The following MDGA2 variants were observed in gnomAD, a reference collection of about 807,000 sequenced individuals.
MDGA2 encodes MAM domain containing glycosylphosphatidylinositol anchor 2, also known as MAM domain-containing glycosylphosphatidylinositol anchor protein 2.
In MDGA2, 40 loss-of-function variants were observed where a neutral mutation model predicts 117.8. The observed-to-expected ratio is 0.34, with a 90% CI of 0.26 to 0.44. MDGA2 has a LOEUF of 0.44. Among genes scored for constraint, MDGA2 ranks in the 20% least tolerant of loss-of-function variants. The probability of loss-of-function intolerance (pLI) is 1.00; values close to 1 mark genes in which losing one functional copy is unlikely to be tolerated. For missense variants in MDGA2, 1,123 were observed against 1,250.6 expected (o/e 0.90, Z 1.54); for synonymous variants, 452 against 439.0 (o/e 1.03, Z -0.37).
intron 1 of MDGA2, among the ~76,000 whole-genome samples, chr14:47,475,292 T>C (rs905162625): frequency 6.6e-6 from 1 of 152,150 alleles, no homozygotes; most frequent in African/African-American, 2.4e-5. Flanking sequence ...TTGTGCCAGT[T>C]AGAATGGCAA....
Position 47,586,432 on chromosome 14 carries a change from T to C in MDGA2, c.280+88085A>G, listed in dbSNP as rs188364023. On this transcript the variant is annotated intron_variant, in intron 1 of 16. Transcript: ENST00000399232. ...CTGGGATTTGAGTATAGCTGAGTCT[T>C]TGCTAGGATGATCTTAGAAAGCTTA... 1.2e-4 allele frequency among the ~76,000 whole-genome samples: 18 copies of C among 152,012 alleles called. No homozygotes were observed. In the East Asian group the frequency reaches 3.5e-3, roughly 29 times the overall value.
intron 1 of MDGA2, among the ~76,000 whole-genome samples, chr14:47,418,079 A>G (rs929541327): frequency 6.6e-6 from 1 of 151,778 alleles, no homozygotes; most frequent in Non-Finnish European, 1.5e-5. Context: ...TTAATTTTTT[A>G]ATTTTTTATT....
chr14:47,636,148 CT>C (rs1268913627), intron 1 of MDGA2, among the ~76,000 whole-genome samples: 1 of 152,128 alleles, frequency 6.6e-6, no homozygotes, highest in Non-Finnish European at 1.5e-5. Context: ...TACATCTGAT[CT>C]TTTTATGGTT....
rs569597318 is a variant in MDGA2 at position 47,650,215 on chromosome 14, G to C, written c.280+24302C>G. On this transcript the variant is annotated intron_variant, in intron 1 of 16. Transcript: ENST00000399232. Reference sequence around the variant, plus strand: ...AGTCATGCTTAAACATCTCTTTTTGGGCCTGAAGCATGCCAGCCTTTAGGC... The same window carrying C: ...AGTCATGCTTAAACATCTCTTTTTGCGCCTGAAGCATGCCAGCCTTTAGGC... 1.1e-4 allele frequency among the ~76,000 whole-genome samples: 16 copies of C among 152,042 alleles called. No homozygotes were observed. The East Asian group carries it at 2.1e-3, about 20-fold the overall frequency.
rs545852875 is a variant in MDGA2 at position 47,241,900 on chromosome 14, T to C, written c.421-23705A>G. On this transcript the variant is annotated intron_variant, in intron 2 of 16. Coordinates refer to ENST00000399232, the MANE Select transcript of MDGA2 (RefSeq NM_001113498.3). ...TTACTATGAAATCATTTTGTGATCC[T>C]GAAGAAGGTACTCTTTTTTCTAGAA... 3.3e-5 allele frequency among the ~76,000 whole-genome samples: 5 copies of C among 152,028 alleles called. No individual in the cohort carries two copies. The East Asian group carries it at 7.7e-4, about 23-fold the overall frequency.
chr14:47,084,498 T>C (rs1314710577), intron 6 of MDGA2, among the ~76,000 whole-genome samples: 1 of 139,656 alleles, frequency 7.2e-6, no homozygotes, highest in Non-Finnish European at 1.6e-5. Context: ...CAGCAAAAAT[T>C]AAAAAAAAAA....
At chr14:46,988,832 AC>A (rs1479960887) in intron 8 of MDGA2, among the ~76,000 whole-genome samples, 1 of 151,896 alleles carries the variant, frequency 6.6e-6, no homozygotes, top group African/African-American at 2.4e-5. Context: ...GTAATTTTCA[AC>A]TGTTTCTCCA....
intron 1 of MDGA2, among the ~76,000 whole-genome samples, chr14:47,614,471 C>T (rs762218837): frequency 5.3e-5 from 8 of 152,136 alleles, no homozygotes; most frequent in Non-Finnish European, 8.8e-5. Context: ...CTCTCTTACA[C>T]CCAATACTGG....
chr14:46,915,559 A>T (rs1883866790), intron 10 of MDGA2, among the ~76,000 whole-genome samples: 1 of 152,196 alleles, frequency 6.6e-6, no homozygotes, highest in South Asian at 2.1e-4. Context: ...TAGTGTTGTA[A>T]TTATCATTTC....
At chr14:47,242,363 C>A (rs1160040835) in intron 2 of MDGA2, among the ~76,000 whole-genome samples, 1 of 151,918 alleles carries the variant, frequency 6.6e-6, no homozygotes, top group Non-Finnish European at 1.5e-5. Context: ...GCCCTTCAGC[C>A]CCCCACTGTA....
intron 2 of MDGA2, among the ~76,000 whole-genome samples, chr14:47,225,563 CA>C (rs1886460289): frequency 1.4e-5 from 2 of 145,036 alleles, no homozygotes; most frequent in Non-Finnish European, 3.0e-5. Context: ...TCGCCAAGGA[CA>C]AAAAACCAAA....
intron 1 of MDGA2, among the ~76,000 whole-genome samples, chr14:47,514,977 A>C (rs908598078): frequency 6.6e-6 from 1 of 152,104 alleles, no homozygotes; most frequent in African/African-American, 2.4e-5. Context: ...ATATAGATTA[A>C]CTATGTTTTG....
intron 2 of MDGA2, among the ~76,000 whole-genome samples, chr14:47,291,622 T>C (rs1233727715): frequency 6.6e-6 from 1 of 152,194 alleles, no homozygotes; most frequent in African/African-American, 2.4e-5. Flanking sequence ...ATCATCTGGA[T>C]ACACAGTACG....
chr14:46,912,608 T>C (rs1339251692), intron 10 of MDGA2, among the ~76,000 whole-genome samples: 1 of 152,196 alleles, frequency 6.6e-6, no homozygotes, highest in Non-Finnish European at 1.5e-5. Context: ...CCTCTTTCAC[T>C]CTTTTAAGTG....
Position 46,855,261 on chromosome 14 carries a change from C to T in MDGA2, c.2753-107G>A, listed in dbSNP as rs1253626902. ...TTTTAAACTGAAATTTTACAGAACA[C>T]TCTAGTGTCTTGTCCTCTCTTCTCC... On this transcript the variant is annotated intron_variant, in intron 14 of 16. Coordinates refer to ENST00000399232, the MANE Select transcript of MDGA2 (RefSeq NM_001113498.3). This position sits in a 1 kb window ranked among gnomAD's most constrained non-coding sequence, Gnocchi z 4.1. 2.4e-6 allele frequency: 2 copies of T among 826,110 alleles called. No homozygotes were observed. Among genetic ancestry groups the T allele is most frequent in the Non-Finnish European group, 3.7e-6 (2 of 540,544 alleles). The allele number at this position is 826,110 out of a possible 1,614,324, so 51.2% of individuals were successfully genotyped here. A position where few individuals can be genotyped will look rare whatever the true frequency, so the allele number is the denominator to read the frequency against.
At chr14:47,546,715 T>C (rs1284042768) in intron 1 of MDGA2, among the ~76,000 whole-genome samples, 1 of 151,872 alleles carries the variant, frequency 6.6e-6, no homozygotes, top group Non-Finnish European at 1.5e-5. Flanking sequence ...CAAAGAAGGG[T>C]TGTGGGAGCT....
chr14:47,597,528 A>C (rs1269474742), intron 1 of MDGA2, among the ~76,000 whole-genome samples: 1 of 152,028 alleles, frequency 6.6e-6, no homozygotes, highest in Non-Finnish European at 1.5e-5. Flanking sequence ...TAAGTCTTTT[A>C]ACTTTGTATT....
intron 1 of MDGA2, among the ~76,000 whole-genome samples, chr14:47,537,703 C>T (rs1465515428): frequency 1.3e-5 from 2 of 148,300 alleles, no homozygotes; most frequent in Non-Finnish European, 1.5e-5. Flanking sequence ...TTTGACTAAA[C>T]CAACCTTTGT....
chr14:47,100,428 T>G (rs1332865232), intron 5 of MDGA2, among the ~76,000 whole-genome samples: 1 of 152,164 alleles, frequency 6.6e-6, no homozygotes, highest in African/African-American at 2.4e-5. Context: ...GTCTACAGCA[T>G]GTGTTAATTG....
Sources: gnomAD v4.1 joint callset for allele counts (sites outside exome capture counted in the v4.1 genomes callset) on GRCh38, gnomAD v4.1.1 for gene constraint, Gnocchi (gnomAD v3.1) non-coding constraint, MANE v1.5 for transcripts, NCBI Gene and HGNC (gene_info 2026-07-23, HGNC 2026-07-21) for gene names.